The following CPSF7 variants were observed in gnomAD, a reference collection of about 807,000 sequenced individuals.
The protein encoded by CPSF7 is cleavage and polyadenylation specificity factor subunit 7.
Under a neutral mutation model 44.3 loss-of-function variants are expected in CPSF7, and 1 was observed. The observed-to-expected ratio is 0.02, with a 90% confidence interval of 0.01 to 0.11. CPSF7 has a LOEUF of 0.11. CPSF7 is among the 10% of genes least tolerant of loss of function. The probability of loss-of-function intolerance (pLI) is 1.00; values close to 1 mark genes in which losing one functional copy is unlikely to be tolerated. For synonymous variants in CPSF7, 202 were observed against 222.0 expected, an observed-to-expected ratio of 0.91 and a Z score of 0.80; for missense variants, 443 against 607.2, an observed-to-expected ratio of 0.73 and a Z score of 2.84.
intron 7 of CPSF7, among the ~76,000 whole-genome samples, chr11:61,414,394 G>A (rs1037161634): frequency 4.0e-5 from 6 of 151,830 alleles, no homozygotes; most frequent in African/African-American, 9.7e-5. Flanking sequence ...GTGATTTACC[G>A]GCCTTGGCCT....
Position 61,420,041 on chromosome 11 carries a change from A to T in CPSF7, c.431T>A (p.Leu144His). Reference sequence around the variant, plus strand: ...TCCATTAAGAACTTTCCCTGGTAGGAGTTCCAACAATTTGTGGACAGAGTT... The same window carrying T: ...TCCATTAAGAACTTTCCCTGGTAGGTGTTCCAACAATTTGTGGACAGAGTT... Reference protein sequence around the residue: ...SENSVHKLLELLPGKVLNGEK... With the variant: ...SENSVHKLLEHLPGKVLNGEK... The change falls in exon 5 of 10, where the codon CTC becomes CAC. Residue 144 changes from leucine to histidine, a missense_variant. By Grantham distance (99) the Leu-to-His change is moderately conservative. Coordinates refer to ENST00000439958, the MANE Select transcript of CPSF7 (RefSeq NM_001142565.3). 1.9e-6 allele frequency: 3 copies of T among 1,614,170 alleles called. No homozygotes were observed. Among genetic ancestry groups the T allele is most frequent in the Non-Finnish European group, 2.5e-6 (3 of 1,180,000 alleles).
intron 7 of CPSF7, among the ~76,000 whole-genome samples, chr11:61,415,369 C>T (rs1193268649): frequency 5.3e-5 from 8 of 152,116 alleles, no homozygotes; most frequent in Non-Finnish European, 1.2e-4. Flanking sequence ...ATGGAGATTT[C>T]CACAAGGCAG....
At chr11:61,405,694 C>A (rs560241000) in intron 9 of CPSF7, among the ~76,000 whole-genome samples, 1 of 152,184 alleles carries the variant, frequency 6.6e-6, no homozygotes, top group Non-Finnish European at 1.5e-5. Context: ...ACACAGCCTA[C>A]GCACAAATGT....
At chr11:61,425,852 T>C (rs1402898057) in intron 2 of CPSF7, among the ~76,000 whole-genome samples, 1 of 152,222 alleles carries the variant, frequency 6.6e-6, no homozygotes, top group Admixed American at 6.5e-5. Flanking sequence ...CACTTTTTTT[T>C]CCTTTTACCT....
At chr11:61,425,677 AC>A (rs1861277843) in intron 2 of CPSF7, among the ~76,000 whole-genome samples, 1 of 152,190 alleles carries the variant, frequency 6.6e-6, no homozygotes, top group Non-Finnish European at 1.5e-5. Flanking sequence ...CCAACTTGAT[AC>A]CATTGTTTCT....
intron 4 of CPSF7, 54 bp downstream of exon 4, chr11:61,420,416 T>C: frequency 1.4e-6 from 2 of 1,471,100 alleles, no homozygotes; most frequent in South Asian, 1.1e-5. Flanking sequence ...ATAGTACAGA[T>C]CTTTTATCCC....
At chr11:61,417,257 T>C (rs142953679) in intron 5 of CPSF7, among the ~76,000 whole-genome samples, 2 of 152,324 alleles carry the variant, frequency 1.3e-5, no homozygotes, top group Non-Finnish European at 2.9e-5. Flanking sequence ...TCCCGCTACA[T>C]TTCAATGGCC....
At chr11:61,429,578 A>T in intron 1 of CPSF7, 2 of 677,808 alleles carry the variant, frequency 3.0e-6, no homozygotes, top group South Asian at 2.0e-5. Context: ...TGGCCCTAGG[A>T]CGGCGTTGCG....
At chr11:61,418,534 A>G (rs573256561) in intron 5 of CPSF7, among the ~76,000 whole-genome samples, 21 of 152,312 alleles carry the variant, frequency 1.4e-4, no homozygotes, top group African/African-American at 4.6e-4. Context: ...TGAGAAATGT[A>G]ATTGCCAAGC....
intron 2 of CPSF7, chr11:61,426,754 A>G (rs1861388710): frequency 6.6e-6 from 1 of 152,276 alleles, no homozygotes; most frequent in Non-Finnish European, 1.5e-5. Context: ...GTGGCTGGGT[A>G]CGGCGGCTCA....
In CPSF7 at chr11:61,421,672, C is replaced by G. The variant is rs189101422; in HGVS notation, c.55-64G>C. ...TTCATTTTGTTCATTCTATTTCACT[C>G]TAGTTTATTAGAATCCAGTTAAATA... On this transcript the variant is annotated intron_variant, in intron 2 of 9. Transcript: ENST00000439958. 49 of 1,156,408 alleles carry G rather than the reference C, an allele frequency of 4.2e-5. No homozygotes were observed. In the East Asian group the frequency reaches 1.0e-3, roughly 24 times the overall value. 71.6% of individuals were successfully genotyped at this position (1,156,408 alleles called of 1,614,324 possible). A position where few individuals can be genotyped will look rare whatever the true frequency, so the allele number is the denominator to read the frequency against.
Position 61,420,561 on chromosome 11 carries a change from G to C in CPSF7, c.286C>G (p.Gln96Glu). 1 of 1,613,842 alleles carries C rather than the reference G, an allele frequency of 6.2e-7. No individual in the cohort carries two copies. The change falls in exon 4 of 10, where the codon CAG becomes GAG. Residue 96 changes from glutamine to glutamate, a missense_variant. Coordinates refer to ENST00000439958, the MANE Select transcript of CPSF7 (RefSeq NM_001142565.3). ...GAGCGAATAACCTGGATCAGCTGCTGGTCTGTGGTCCACTGGGGCCGGCAA... is the reference window on the plus strand; with the variant it reads ...GAGCGAATAACCTGGATCAGCTGCTCGTCTGTGGTCCACTGGGGCCGGCAA... ...VGSFSWWTTD[Q>E]QLIQVIRSIG...
rs1295775950 is a variant in CPSF7, at chr11:61,420,080, A to G, written c.392T>C (p.Val131Ala). Residue 131 changes from valine (V) to alanine (A), a missense_variant, in exon 5 of 10, where the codon GTG becomes GCG. Transcript: ENST00000439958. ...GTGGACAGAGTTTTCAGAGGCTACCACCACCTCAGCATACCTTAGGAAAGA... is the reference window on the plus strand; with the variant it reads ...GTGGACAGAGTTTTCAGAGGCTACCGCCACCTCAGCATACCTTAGGAAAGA... ...NGQSKGYAEV[V>A]VASENSVHKL... 6.2e-6 allele frequency: 10 copies of G among 1,613,546 alleles called. No individual in the cohort carries two copies. The African/African-American group carries it at 1.2e-4, about 19-fold the overall frequency.
At chr11:61,428,628 C>G (rs1861630413) in intron 2 of CPSF7, among the ~76,000 whole-genome samples, 1 of 152,154 alleles carries the variant, frequency 6.6e-6, no homozygotes, top group African/African-American at 2.4e-5. Context: ...CTAAAGGTAA[C>G]CAATACAATT....
chr11:61,427,741 C>CA (rs1215651610), intron 2 of CPSF7, among the ~76,000 whole-genome samples: 17 of 151,174 alleles, frequency 1.1e-4, no homozygotes, highest in African/African-American at 3.9e-4. Flanking sequence ...ACAACAGAGA[C>CA]AAGAAACCTG....
intron 2 of CPSF7, among the ~76,000 whole-genome samples, chr11:61,427,797 C>T (rs1188317358): frequency 6.6e-6 from 1 of 152,114 alleles, no homozygotes; most frequent in Admixed American, 6.6e-5. Flanking sequence ...GGTACAAGGT[C>T]ATTACATTAT....
chr11:61,410,864 AG>A, intron 9 of CPSF7, 73 bp downstream of exon 9: 1 of 1,428,370 alleles, frequency 7.0e-7, no homozygotes, highest in Non-Finnish European at 9.3e-7. Context: ...TGCTTTAAAG[AG>A]AGAGAATTCT....
intron 7 of CPSF7, among the ~76,000 whole-genome samples, chr11:61,413,397 C>T (rs367865033): frequency 1.1e-4 from 16 of 151,850 alleles, no homozygotes; most frequent in East Asian, 3.9e-4. Flanking sequence ...TTTGGGAGGC[C>T]GAGGTGGGCG....
intron 2 of CPSF7, among the ~76,000 whole-genome samples, chr11:61,423,927 A>T (rs1438669594): frequency 6.6e-6 from 1 of 152,248 alleles, no homozygotes; most frequent in Non-Finnish European, 1.5e-5. Flanking sequence ...CTGATAGAGA[A>T]GGGGGAAGGA....
Sources: allele counts gnomAD v4.1 joint callset (sites outside exome capture counted in the v4.1 genomes callset), GRCh38; gene constraint gnomAD v4.1.1; transcripts MANE v1.5; gene names NCBI Gene and HGNC (gene_info 2026-07-23, HGNC 2026-07-21).